The following KSR1 variants were observed in gnomAD, a reference collection of about 807,000 sequenced individuals.
The protein encoded by KSR1 is kinase suppressor of ras 1.
A neutral mutation model predicts 92.9 loss-of-function variants in KSR1; 35 were observed. The observed-to-expected ratio is 0.38, with a 90% CI of 0.29 to 0.50. KSR1 has a LOEUF of 0.50. Ranked by LOEUF, KSR1 falls within the 20% of genes least tolerant of loss-of-function variation. The pLI is 0.94. For missense variants in KSR1, 972 were observed against 1,158.5 expected, an observed-to-expected ratio of 0.84 and a Z score of 2.34; for synonymous variants, 467 against 472.6, an observed-to-expected ratio of 0.99 and a Z score of 0.15.
intron 10 of KSR1, among the ~76,000 whole-genome samples, chr17:27,598,262 C>G (rs1246152748): frequency 6.6e-6 from 1 of 152,216 alleles, no homozygotes; most frequent in African/African-American, 2.4e-5. Flanking sequence ...GACTGTGACA[C>G]TCCTGTTTGC....
intron 1 of KSR1, among the ~76,000 whole-genome samples, chr17:27,491,254 AGGT>A (rs2068815115): frequency 6.8e-6 from 1 of 147,182 alleles, no homozygotes; most frequent in Admixed American, 6.9e-5. Flanking sequence ...TCTCCTGAGT[AGGT>A]GGGACTATAG....
At chr17:27,501,292 C>CTTTTTTTTTTTTTTTTTTTTTTTTTTTT in intron 1 of KSR1, among the ~76,000 whole-genome samples, 18 of 49,708 alleles carry the variant, frequency 3.6e-4, no homozygotes, top group African/African-American at 4.1e-4. Flanking sequence ...TTCTTTTCTT[C>CTTTTTTTTTTTTTTTTTTTTTTTTTTTT]TTTTTTTTTT....
chr17:27,472,486 C>T (rs1032245485), intron 1 of KSR1, among the ~76,000 whole-genome samples: 1 of 152,170 alleles, frequency 6.6e-6, no homozygotes, highest in Non-Finnish European at 1.5e-5. Context: ...ACCTTGGGTT[C>T]CTTGCATGTA....
At position 27,527,745 on chromosome 17, in the gene KSR1, A is replaced by G. The variant is rs531996961; in HGVS notation, c.232-22823A>G. Among the ~76,000 whole-genome samples the G allele has an allele frequency of 6.9e-4, 105 of 152,330 alleles. No homozygotes were observed. In the South Asian group the frequency reaches 7.5e-3, roughly 11 times the overall value. The stretch of plus-strand genomic sequence containing the variant: ...CTGTATAAGAATCATGAGAAAAACA[A>G]TAATATCTTGGGCTTTCACCAAATG... On this transcript the variant is annotated intron_variant, in intron 1 of 20. Transcript: ENST00000644974.
intron 1 of KSR1, among the ~76,000 whole-genome samples, chr17:27,490,946 A>G (rs953077096): frequency 6.6e-6 from 1 of 152,172 alleles, no homozygotes; most frequent in Admixed American, 6.5e-5. Flanking sequence ...AAAAGGGACA[A>G]AGTAGATCTA....
intron 1 of KSR1, among the ~76,000 whole-genome samples, chr17:27,544,182 C>G (rs2071077342): frequency 1.3e-5 from 2 of 152,198 alleles, no homozygotes; most frequent in Non-Finnish European, 2.9e-5. Context: ...CTGGTTAGAT[C>G]CCATGGCTAT....
chr17:27,548,837 A>AC (rs1030762202), intron 1 of KSR1, among the ~76,000 whole-genome samples: 1 of 152,072 alleles, frequency 6.6e-6, no homozygotes, highest in Non-Finnish European at 1.5e-5. Flanking sequence ...AAAAAAAAAA[A>AC]AGAAAAATAT....
chr17:27,547,676 T>C (rs1243078498), intron 1 of KSR1, among the ~76,000 whole-genome samples: 1 of 152,208 alleles, frequency 6.6e-6, no homozygotes, highest in Non-Finnish European at 1.5e-5. Flanking sequence ...TGAAGTGCAG[T>C]CAGACAAGGG....
intron 2 of KSR1, among the ~76,000 whole-genome samples, chr17:27,554,543 C>T (rs2071521016): frequency 6.6e-6 from 1 of 152,228 alleles, no homozygotes; most frequent in South Asian, 2.1e-4. Context: ...AGGTTATGTG[C>T]TCCTTGTGAG....
Position 27,582,908 on chromosome 17 carries a change from C to A in KSR1, c.783C>A (p.Thr261=), listed in dbSNP as rs751970128. ...CCCTGCACGCCAGCGGCCGGCTGAC[C>A]CCCCGTGCCCTGCACAGCTTCATCA... ...CIPLHASGRL[T]PRALHSFITP... is the part of the protein sequence containing the mutation. The change falls in exon 4 of 21, where the codon ACC becomes ACA. Residue 261 remains threonine (T), a synonymous_variant. Transcript: ENST00000644974. The A allele has an allele frequency of 6.2e-7, 1 of 1,612,504 alleles. No individual in the cohort carries two copies. The highest frequency in any genetic ancestry group is 8.5e-7 in the Non-Finnish European group (1 of 1,179,350).
intron 9 of KSR1, 41 bp from the exon 10 acceptor site, chr17:27,597,227 C>A: frequency 6.5e-7 from 1 of 1,548,126 alleles, no homozygotes; most frequent in Non-Finnish European, 8.7e-7. Flanking sequence ...GCAGGTGGGG[C>A]CAGGACAGCC....
At chr17:27,621,693 C>T (rs938078925) in intron 20 of KSR1, among the ~76,000 whole-genome samples, 13 of 152,186 alleles carry the variant, frequency 8.5e-5, no homozygotes, top group African/African-American at 1.9e-4. Context: ...TCTTTATAAA[C>T]GTGCTGCAAC....
intron 18 of KSR1, among the ~76,000 whole-genome samples, chr17:27,616,847 G>A (rs1197535868): frequency 1.3e-5 from 2 of 152,192 alleles, no homozygotes; most frequent in Non-Finnish European, 2.9e-5. Flanking sequence ...CCCGTATATC[G>A]AGTCTTCTTG....
At position 27,526,068 on chromosome 17, in the gene KSR1, TTC is replaced by T. The variant is rs1438152652; in HGVS notation, c.232-24496_232-24495del. On this transcript the variant is annotated intron_variant, in intron 1 of 20. Transcript: ENST00000644974. ...TTTCTCTCTCTCTCTCTCTCTTTCTTTCTCTTTCTTTCTTTCTTTCTTTCTTT... is the reference window on the plus strand; with the variant it reads ...TTTCTCTCTCTCTCTCTCTCTTTCTTTCTTTCTTTCTTTCTTTCTTTCTTT... 8.7e-3 allele frequency among the ~76,000 whole-genome samples: 503 copies of T among 57,796 alleles called. 3 individuals are homozygous for T. Among genetic ancestry groups the T allele is most frequent in the Non-Finnish European group, 0.011 (372 of 33,162 alleles). 37.9% of individuals were successfully genotyped at this position (57,796 alleles called of 152,430 possible). A position where few individuals can be genotyped will look rare whatever the true frequency, so the allele number is the denominator to read the frequency against.
chr17:27,507,855 G>A lies in KSR1; in HGVS notation c.232-42713G>A, dbSNP rs186826379. 2.0e-4 allele frequency among the ~76,000 whole-genome samples: 31 copies of A among 152,262 alleles called. 1 individual carries two copies. The highest frequency in any genetic ancestry group is 2.0e-3 in the Admixed American group (31 of 15,302). On this transcript the variant is annotated intron_variant, in intron 1 of 20. Transcript: ENST00000644974. ...GTCCCAAAGTGCTGGGATTACAGGT[G>A]TGAGCTACTGTGCCTGGCCTTTGTT...
intron 1 of KSR1, among the ~76,000 whole-genome samples, chr17:27,531,661 A>G (rs1328722136): frequency 6.6e-6 from 1 of 152,198 alleles, no homozygotes; most frequent in Non-Finnish European, 1.5e-5. Flanking sequence ...GTTGAGCTCC[A>G]GAGAGCACTT....
chr17:27,566,910 C>A (rs1434418509), intron 2 of KSR1, among the ~76,000 whole-genome samples: 1 of 152,128 alleles, frequency 6.6e-6, no homozygotes, highest in Non-Finnish European at 1.5e-5. Context: ...ATAGGCTGAT[C>A]CAGCTCTACC....
chr17:27,612,555 A>G (rs1349120015), intron 18 of KSR1: 1 of 152,126 alleles, frequency 6.6e-6, no homozygotes, highest in Non-Finnish European at 1.5e-5. Flanking sequence ...TTTTCTTCAC[A>G]TTTGTGACTC....
chr17:27,543,707 G>A (rs1011853748), intron 1 of KSR1, among the ~76,000 whole-genome samples: 2 of 152,200 alleles, frequency 1.3e-5, no homozygotes, highest in Admixed American at 1.3e-4. Context: ...GGGTGCAGAT[G>A]TTCCTTTGGG....
Sources: gnomAD v4.1 joint callset for allele counts (sites outside exome capture counted in the v4.1 genomes callset) on GRCh38, gnomAD v4.1.1 for gene constraint, MANE v1.5 for transcripts, NCBI Gene and HGNC (gene_info 2026-07-23, HGNC 2026-07-21) for gene names.